The following SHOX variants were observed in gnomAD, a reference collection of about 807,000 sequenced individuals.
The protein encoded by SHOX is short stature homeobox protein.
In SHOX, 12 loss-of-function variants were observed where a neutral mutation model predicts 29.6. The observed-to-expected ratio is 0.41, with a 90% CI of 0.26 to 0.66. The LOEUF is 0.66. SHOX is among the 30% of genes least tolerant of loss of function. The pLI is 0.35. For missense variants in SHOX, 499 were observed against 437.7 expected (o/e 1.14, Z -1.25); for synonymous variants, 214 against 200.6 (o/e 1.07, Z -0.57).
At chrX:639,954 T>A (rs1043199384) in intron 2 of SHOX, among the ~76,000 whole-genome samples, 85 of 151,230 alleles carry the variant, frequency 5.6e-4, no homozygotes, top group Non-Finnish European at 9.6e-4. Context: ...TGAGGTGAGA[T>A]CACACCACTG....
chrX:644,644 C>T lies in SHOX; in HGVS notation c.*8C>T. The stretch of plus-strand genomic sequence containing the variant: ...GAGGCCCTGGGGCTCTGACCCGCCG[C>T]GCAGCCCCCCGCGCGCCCGGACTCC... On this transcript the variant is annotated 3_prime_UTR_variant, in exon 5 of 5. Transcript: ENST00000686671. The T allele has an allele frequency of 6.9e-7, 1 of 1,453,392 alleles. No individual in the cohort carries two copies. Among genetic ancestry groups the T allele is most frequent in the Non-Finnish European group, 9.0e-7 (1 of 1,111,758 alleles). 90.0% of individuals were successfully genotyped at this position (1,453,392 alleles called of 1,614,324 possible).
intron 1 of SHOX, among the ~76,000 whole-genome samples, chrX:624,866 C>A (rs868404316): frequency 1.8e-5 from 1 of 54,848 alleles, no homozygotes; most frequent in Non-Finnish European, 3.2e-5. Flanking sequence ...TCTTTCTTTT[C>A]TTTCTTTCTT....
chrX:636,947 A>ATATATATATAT (rs1569494124), intron 2 of SHOX, among the ~76,000 whole-genome samples: 2 of 78,956 alleles, frequency 2.5e-5, no homozygotes, highest in Non-Finnish European at 4.7e-5. Context: ...TTCATTTAAA[A>ATATATATATAT]ATATATATAT....
At chrX:633,880 G>T (rs1178219977) in intron 1 of SHOX, among the ~76,000 whole-genome samples, 1 of 152,188 alleles carries the variant, frequency 6.6e-6, no homozygotes, top group Non-Finnish European at 1.5e-5. Flanking sequence ...ACCTGGAAAC[G>T]CTTGAGGGCT....
intron 1 of SHOX, 130 bp from the exon 2 acceptor site, chrX:634,488 C>T (rs2052706017): frequency 3.2e-6 from 3 of 937,800 alleles, no homozygotes; most frequent in East Asian, 5.3e-5. Context: ...TTATGGACCC[C>T]ACGCAGTTTT....
chrX:653,525 T>G (rs1297461824), downstream of SHOX, among the ~76,000 whole-genome samples: 1 of 152,214 alleles, frequency 6.6e-6, no homozygotes, highest in Non-Finnish European at 1.5e-5. Context: ...TCATTTTTTT[T>G]GCATAGTTCA....
In SHOX at chrX:646,103, G is replaced by T. The variant is rs2052960578; in HGVS notation, c.*1467G>T. The T allele has an allele frequency of 1.3e-5, 2 of 151,824 alleles. No homozygotes were observed. Among genetic ancestry groups the T allele is most frequent in the African/African-American group, 4.8e-5 (2 of 41,320 alleles). The allele number at this position is 151,824 out of a possible 1,614,324, so 9.4% of individuals were successfully genotyped here. On this transcript the variant is annotated 3_prime_UTR_variant, in exon 5 of 5. Coordinates refer to ENST00000686671, the MANE Select transcript of SHOX (RefSeq NM_000451.4). ...AGTAGAGACGGGGTTTCACCGTGTT[G>T]GCCAGGCTCGTCTCGAACTCCTGAC... is the stretch of plus-strand genomic sequence containing the variant.
At chrX:635,960 G>C (rs926756232) in intron 2 of SHOX, among the ~76,000 whole-genome samples, 2 of 151,852 alleles carry the variant, frequency 1.3e-5, no homozygotes, top group African/African-American at 2.4e-5. Flanking sequence ...AGAGAGAACC[G>C]TGACAAAGCA....
At chrX:641,142 C>G in intron 4 of SHOX, 55 bp downstream of exon 4, 8 of 1,533,158 alleles carry the variant, frequency 5.2e-6, no homozygotes, top group Non-Finnish European at 7.2e-6. Context: ...CTCCCTTCCC[C>G]TTTCCCCTAT....
At chrX:658,831 CT>C (rs2053186182) in exon 6 of SHOX, 1 of 401,792 alleles carries the variant, frequency 2.5e-6, no homozygotes, top group Admixed American at 2.6e-5. Flanking sequence ...ATGGCATGAT[CT>C]CGACTCACTG....
chrX:629,574 T>G (rs754318900), upstream of SHOX, among the ~76,000 whole-genome samples: 33 of 152,164 alleles, frequency 2.2e-4, no homozygotes, highest in African/African-American at 7.0e-4. Context: ...TGCCTCTCCC[T>G]GTCTGTCTCT....
Position 631,184 on chromosome X carries a change from T to G in SHOX, c.277+10T>G. 1 of 1,612,354 alleles carries G rather than the reference T, an allele frequency of 6.2e-7. No individual in the cohort carries two copies. Reference sequence around the variant, plus strand: ...GCGAGAGTGGCAGAAGGTAAGTTCCTTTGCGCTCCGGCTCCAGGGGGGCCC... The same window carrying G: ...GCGAGAGTGGCAGAAGGTAAGTTCCGTTGCGCTCCGGCTCCAGGGGGGCCC... On this transcript the variant is annotated intron_variant, in intron 1 of 4. Coordinates refer to ENST00000686671, the MANE Select transcript of SHOX (RefSeq NM_000451.4).
rs1425206026 is a variant in SHOX, at chrX:634,674, C to G, written c.334C>G (p.Gln112Glu). 1 of 1,613,802 alleles carries G rather than the reference C, an allele frequency of 6.2e-7. No homozygotes were observed. Among genetic ancestry groups the G allele is most frequent in the Non-Finnish European group, 8.5e-7 (1 of 1,179,880 alleles). The stretch of plus-strand genomic sequence containing the variant: ...CGTGAAGTCGGAGGACGAGGACGGG[C>G]AGACCAAGCTGAAACAGAGGCGCAG... ...EDVKSEDEDG[Q>E]TKLKQRRSRT... The change falls in exon 2 of 5, where the codon CAG (glutamine) becomes GAG (glutamate). Residue 112 changes from glutamine (Q) to glutamate (E), a missense_variant. Physicochemically the swap from Gln to Glu is conservative, Grantham distance 29 (BLOSUM62 2). Coordinates refer to ENST00000686671, the MANE Select transcript of SHOX (RefSeq NM_000451.4).
intron 2 of SHOX, among the ~76,000 whole-genome samples, chrX:637,801 TC>T (rs1313915617): frequency 1.2e-4 from 19 of 152,258 alleles, no homozygotes; most frequent in South Asian, 4.1e-4. Flanking sequence ...GTACAGCCCG[TC>T]CCGTGCTGTG....
At position 644,894 on chromosome X, in the gene SHOX, G is replaced by A. The variant is rs1304468781; in HGVS notation, c.*258G>A. On this transcript the variant is annotated 3_prime_UTR_variant, in exon 5 of 5. Coordinates refer to ENST00000686671, the MANE Select transcript of SHOX (RefSeq NM_000451.4). Reference sequence around the variant, plus strand: ...GTCCAGCCCGGGCCTCTCCAAGGCTGCCCGTGCGTCCTGGGACCCTGGAGA... The same window carrying A: ...GTCCAGCCCGGGCCTCTCCAAGGCTACCCGTGCGTCCTGGGACCCTGGAGA... The A allele has an allele frequency of 8.5e-6, 4 of 469,708 alleles. No individual in the cohort carries two copies. The highest frequency in any genetic ancestry group is 6.2e-5 in the African/African-American group (3 of 48,396). The allele number at this position is 469,708 out of a possible 1,614,324, so 29.1% of individuals were successfully genotyped here. A position where few individuals can be genotyped will look rare whatever the true frequency, so the allele number is the denominator to read the frequency against.
upstream of SHOX, among the ~76,000 whole-genome samples, chrX:626,673 A>C (rs867498855): frequency 6.5e-4 from 32 of 49,344 alleles, no homozygotes; most frequent in South Asian, 1.4e-3. Flanking sequence ...CTGTCTCTGT[A>C]TCTCTGTCTA....
downstream of SHOX, among the ~76,000 whole-genome samples, chrX:655,543 C>A (rs2053125268): frequency 6.9e-6 from 1 of 144,642 alleles, no homozygotes; most frequent in African/African-American, 2.6e-5. Flanking sequence ...TCGAGACCAA[C>A]CTCAGCAAAA....
intron 1 of SHOX, among the ~76,000 whole-genome samples, chrX:624,909 C>CCTTTCTTTCTTT (rs201032866): frequency 1.5e-3 from 59 of 38,956 alleles, no homozygotes; most frequent in African/African-American, 3.0e-3. Flanking sequence ...TTTCTCTCTT[C>CCTTTCTTTCTTT]CTTTCTTTCT....
chrX:628,523 C>T (rs1391655007), upstream of SHOX, among the ~76,000 whole-genome samples: 1 of 95,084 alleles, frequency 1.1e-5, no homozygotes, highest in Non-Finnish European at 2.3e-5. Context: ...CTGTCTGTTT[C>T]TCTCTCTCCA....
Sources: gnomAD v4.1 joint callset for allele counts (sites outside exome capture counted in the v4.1 genomes callset) on GRCh38, gnomAD v4.1.1 for gene constraint, MANE v1.5 for transcripts, NCBI Gene and HGNC (gene_info 2026-07-23, HGNC 2026-07-21) for gene names.